The following PFKM variants were observed in gnomAD, a reference collection of about 807,000 sequenced individuals.
The protein encoded by PFKM is ATP-dependent 6-phosphofructokinase, muscle type.
PFKM carries 58 observed loss-of-function variants against 95.5 expected under a neutral mutation model. The observed-to-expected ratio is 0.61, with a 90% CI of 0.49 to 0.76. The LOEUF (loss-of-function observed/expected upper bound fraction) is 0.76, where lower values mean the gene tolerates loss of function less well. PFKM is among the 30% of genes least tolerant of loss of function. PFKM has a pLI of 0.00. For synonymous variants in PFKM, 336 were observed against 357.2 expected (o/e 0.94, Z 0.67); for missense variants, 678 against 1,005.4 (o/e 0.67, Z 4.40).
chr12:48,122,404 A>G (rs1239226290), intron 1 of PFKM, among the ~76,000 whole-genome samples: 2 of 152,200 alleles, frequency 1.3e-5, no homozygotes, highest in African/African-American at 4.8e-5. Flanking sequence ...TTCATTGAAA[A>G]GGGAGGGATC....
intron 14 of PFKM, 115 bp from the exon 15 acceptor site, chr12:48,141,196 T>C: frequency 9.9e-7 from 1 of 1,006,118 alleles, no homozygotes; most frequent in Non-Finnish European, 1.6e-6. Context: ...CTGGTGTACC[T>C]TTTCCAACCA....
chr12:48,111,772 G>T (rs1947209072), intron 3 of PFKM, among the ~76,000 whole-genome samples: 2 of 152,140 alleles, frequency 1.3e-5, no homozygotes, highest in South Asian at 4.1e-4. Context: ...GGTCAGGTGT[G>T]GTATCCAGAA....
chr12:48,111,296 A>G (rs998058583), intron 3 of PFKM, among the ~76,000 whole-genome samples: 21 of 152,176 alleles, frequency 1.4e-4, no homozygotes, highest in African/African-American at 5.1e-4. Context: ...TAGGCCATCT[A>G]TCACCAGCAT....
chr12:48,122,648 G>T, intron 1 of PFKM, 119 bp from the exon 2 acceptor site: 2 of 1,550,168 alleles, frequency 1.3e-6, no homozygotes, highest in South Asian at 1.2e-5. Flanking sequence ...GCAAAGCTCA[G>T]ACTTGGTATA....
chr12:48,134,970 A>G lies in PFKM; in HGVS notation c.775A>G (p.Ile259Val). Residue 259 changes from isoleucine (I) to valine (V), a missense_variant, in exon 9 of 23, where the codon ATC becomes GTC. Physicochemically the swap from Ile to Val is conservative, Grantham distance 29. Transcript: ENST00000359794. ...AAGGACCCGTGGTTCTCGTCTCAAC[A>G]TCATCATTGTGGCTGAGGGTGCAAT... ...ETRTRGSRLNIIIVAEGAIDK... is the reference protein window; with the variant it reads ...ETRTRGSRLNVIIVAEGAIDK... The G allele has an allele frequency of 6.2e-7, 1 of 1,614,006 alleles. No homozygotes were observed. The highest frequency in any genetic ancestry group is 8.5e-7 in the Non-Finnish European group (1 of 1,179,940).
Position 48,145,373 on chromosome 12 carries a change from TC to T in PFKM, c.2198+60del, listed in dbSNP as rs1950951060. ...TCCCTGGTAGTTTCAAGCTCTACTGTCCTCAACCTGTTCACTGTCTTTAATT... is the reference window on the plus strand; with the variant it reads ...TCCCTGGTAGTTTCAAGCTCTACTGTCTCAACCTGTTCACTGTCTTTAATT... On this transcript the variant is annotated intron_variant, in intron 22 of 22. Transcript: ENST00000359794. The surrounding 1 kb of genome is among the most constrained non-coding windows in gnomAD (Gnocchi z 4.3). 2.1e-6 allele frequency: 3 copies of T among 1,431,240 alleles called. No homozygotes were observed. In the East Asian group the frequency reaches 6.8e-5, roughly 32 times the overall value. 88.7% of individuals were successfully genotyped at this position (1,431,240 alleles called of 1,614,324 possible).
chr12:48,139,487 A>C, intron 12 of PFKM, 138 bp downstream of exon 12: 1 of 736,662 alleles, frequency 1.4e-6, no homozygotes, highest in South Asian at 1.5e-5. Flanking sequence ...GTTCCTGCCC[A>C]AGAAAATTAG....
In PFKM at chr12:48,134,756, C is replaced by T. The variant is rs1188972945; in HGVS notation, c.674C>T (p.Ala225Val). The T allele has an allele frequency of 1.2e-6, 2 of 1,614,052 alleles. No individual in the cohort carries two copies. Among genetic ancestry groups the T allele is most frequent in the Non-Finnish European group, 1.7e-6 (2 of 1,179,926 alleles). ...LALVTSLSCG[A>V]DWVFIPECPP... ...CTTGTCACCTCTCTGTCCTGTGGGG[C>T]CGACTGGGTTTTTATTCCTGAATGT... The change falls in exon 8 of 23, where the codon GCC (alanine) becomes GTC (valine). Residue 225 changes from alanine to valine, a missense_variant. By Grantham distance (64) the Ala-to-Val change is moderately conservative. Coordinates refer to ENST00000359794, the MANE Select transcript of PFKM (RefSeq NM_000289.6).
In PFKM at chr12:48,131,309, C is replaced by T; in HGVS notation, c.160-7C>T. On this transcript the variant is annotated splice_polypyrimidine_tract_variant and splice_region_variant and intron_variant, in intron 3 of 22. Transcript: ENST00000359794. ...AACGGGCTGAACAGGTATAATGTGT[C>T]ACACAGGGTTATCAAGGCCTGGTGG... 3.7e-6 allele frequency: 6 copies of T among 1,601,732 alleles called. No homozygotes were observed. The highest frequency in any genetic ancestry group is 4.3e-6 in the Non-Finnish European group (5 of 1,168,748).
chr12:48,129,290 G>GGC (rs958814529), intron 2 of PFKM, among the ~76,000 whole-genome samples: 4 of 121,702 alleles, frequency 3.3e-5, no homozygotes, highest in Non-Finnish European at 4.8e-5. Flanking sequence ...CAAACTCCTA[G>GGC]GCTCAAGCAG....
chr12:48,111,620 C>T (rs991137313), intron 3 of PFKM, among the ~76,000 whole-genome samples: 5 of 152,214 alleles, frequency 3.3e-5, no homozygotes, highest in Non-Finnish European at 7.3e-5. Flanking sequence ...TATAGCATAG[C>T]CTGCCTTTGC....
upstream of PFKM, among the ~76,000 whole-genome samples, chr12:48,117,418 C>T (rs1473732576): frequency 6.6e-6 from 1 of 152,224 alleles, no homozygotes; most frequent in Non-Finnish European, 1.5e-5. Flanking sequence ...AAACTGTCTT[C>T]TACAGTGACT....
chr12:48,124,752 G>A (rs930601214), intron 2 of PFKM, among the ~76,000 whole-genome samples: 1 of 152,180 alleles, frequency 6.6e-6, no homozygotes, highest in African/African-American at 2.4e-5. Context: ...TAACATCACA[G>A]CCACATGTCA....
At chr12:48,125,331 G>A in intron 2 of PFKM, 1 of 449,446 alleles carries the variant, frequency 2.2e-6, no homozygotes, top group Non-Finnish European at 4.5e-6. Flanking sequence ...TAAGAGATGG[G>A]ACGGGATCGG....
At chr12:48,115,559 TGTC>T (rs1947595822), upstream of PFKM, among the ~76,000 whole-genome samples, 2 of 152,166 alleles carry the variant, frequency 1.3e-5, no homozygotes, top group Non-Finnish European at 2.9e-5. Flanking sequence ...AATGGTGGAA[TGTC>T]GTCAGTTAAG....
At chr12:48,109,544 T>C (rs907374651) in intron 3 of PFKM, among the ~76,000 whole-genome samples, 1 of 152,192 alleles carries the variant, frequency 6.6e-6, no homozygotes. Flanking sequence ...TTCCTGCTTT[T>C]TTCATTCTCC....
intron 2 of PFKM, among the ~76,000 whole-genome samples, chr12:48,125,839 T>G (rs1263608983): frequency 3.3e-5 from 5 of 152,182 alleles, no homozygotes; most frequent in African/African-American, 4.8e-5. Context: ...TAATTTTTAC[T>G]TATGATATCC....
Position 48,144,149 on chromosome 12 carries a change from A to G in PFKM, c.1984A>G (p.Met662Val). The change falls in exon 20 of 23, where the codon ATG (methionine) becomes GTG (valine). Residue 662 changes from methionine (M) to valine (V), a missense_variant. By Grantham distance (21) the Met-to-Val change is conservative. Coordinates refer to ENST00000359794, the MANE Select transcript of PFKM (RefSeq NM_000289.6). ...FDSRKNVLGH[M>V]QQGGSPTPFD... is the part of the protein sequence containing the mutation. ...CAGCAGGAAGAATGTGCTTGGTCAC[A>G]TGCAGCAGGTAGGGAAGACACCGTA... 6.2e-7 allele frequency: 1 copy of G among 1,605,802 alleles called. No homozygotes were observed. Among genetic ancestry groups the G allele is most frequent in the Non-Finnish European group, 8.5e-7 (1 of 1,172,816 alleles).
At chr12:48,132,719 C>G in intron 4 of PFKM, 149 bp from the exon 5 acceptor site, 1 of 718,912 alleles carries the variant, frequency 1.4e-6, no homozygotes, top group Non-Finnish European at 2.5e-6. Context: ...ATTTCCCTTT[C>G]CTTTGGAAGG....
Sources: allele counts gnomAD v4.1 joint callset (sites outside exome capture counted in the v4.1 genomes callset), GRCh38; gene constraint gnomAD v4.1.1; non-coding constraint Gnocchi (gnomAD v3.1); transcripts MANE v1.5; gene names NCBI Gene and HGNC (gene_info 2026-07-23, HGNC 2026-07-21).